The following MARCHF1 variants were observed in gnomAD, a reference collection of about 807,000 sequenced individuals.
MARCHF1 encodes membrane associated ring-CH-type finger 1.
A neutral mutation model predicts 54.2 loss-of-function variants in MARCHF1; 40 were observed. The observed-to-expected ratio is 0.74, with a 90% confidence interval of 0.57 to 0.96. The LOEUF is 0.96. MARCHF1 is among the 40% of genes least tolerant of loss of function. The pLI is 0.00. For missense variants in MARCHF1, 586 were observed against 656.5 expected, an observed-to-expected ratio of 0.89 and a Z score of 1.17; for synonymous variants, 236 against 236.3, an observed-to-expected ratio of 1.00 and a Z score of 0.01.
intron 2 of MARCHF1, among the ~76,000 whole-genome samples, chr4:164,045,828 G>A (rs1017459638): frequency 6.6e-6 from 1 of 151,804 alleles, no homozygotes; most frequent in Admixed American, 6.6e-5. Flanking sequence ...AGTTACATGA[G>A]GACAAGGATA....
intron 7 of MARCHF1, 25 bp from the exon 8 acceptor site, chr4:163,585,954 A>G: frequency 6.3e-7 from 1 of 1,575,356 alleles, no homozygotes; most frequent in Non-Finnish European, 8.6e-7. Context: ...AGCAGCCAGT[A>G]TGAGATCTCC....
At chr4:164,323,877 A>G (rs1735206323) in intron 1 of MARCHF1, among the ~76,000 whole-genome samples, 1 of 151,778 alleles carries the variant, frequency 6.6e-6, no homozygotes, top group Non-Finnish European at 1.5e-5. Flanking sequence ...AACCTGAATT[A>G]GGGGGATTCA....
chr4:164,274,562 C>A (rs1052122518), intron 1 of MARCHF1, among the ~76,000 whole-genome samples: 2 of 149,342 alleles, frequency 1.3e-5, no homozygotes, highest in Non-Finnish European at 3.0e-5. Context: ...TTTGTCAGTG[C>A]AAGTAAAGAG....
chr4:164,360,177 G>A (rs1014925469), intron 1 of MARCHF1, among the ~76,000 whole-genome samples: 1 of 151,810 alleles, frequency 6.6e-6, no homozygotes, highest in Non-Finnish European at 1.5e-5. Flanking sequence ...CTCCTACCAG[G>A]TTTGTCTGCA....
intron 1 of MARCHF1, among the ~76,000 whole-genome samples, chr4:164,248,143 T>C (rs1219708389): frequency 3.3e-5 from 5 of 151,992 alleles, no homozygotes; most frequent in Admixed American, 6.6e-5. Flanking sequence ...TACTCCTCCA[T>C]GTATCAAATT....
chr4:163,698,347 C>G (rs112422339), intron 5 of MARCHF1, among the ~76,000 whole-genome samples: 4,448 of 152,246 alleles, frequency 0.029, 104 homozygotes, highest in Non-Finnish European at 0.044. Flanking sequence ...GAATAGTTTT[C>G]CACTTATCAA....
chr4:164,241,091 A>G (rs927380729), intron 1 of MARCHF1, among the ~76,000 whole-genome samples: 19 of 152,076 alleles, frequency 1.2e-4, no homozygotes, highest in Non-Finnish European at 1.5e-5. Flanking sequence ...GCATTAAGGC[A>G]ACCATCTGAC....
intron 1 of MARCHF1, among the ~76,000 whole-genome samples, chr4:164,305,473 C>T (rs984660408): frequency 2.0e-5 from 3 of 152,008 alleles, no homozygotes; most frequent in Non-Finnish European, 1.5e-5. Flanking sequence ...GAAATCAGAA[C>T]ACCAGAGTCC....
At chr4:164,101,760 G>A (rs909833629) in intron 2 of MARCHF1, among the ~76,000 whole-genome samples, 1 of 147,696 alleles carries the variant, frequency 6.8e-6, no homozygotes, top group African/African-American at 2.5e-5. Flanking sequence ...AAAGCTGGAT[G>A]GAGAATGACT....
At chr4:164,287,792 T>C (rs1346026306) in intron 1 of MARCHF1, among the ~76,000 whole-genome samples, 1 of 152,244 alleles carries the variant, frequency 6.6e-6, no homozygotes, top group Non-Finnish European at 1.5e-5. Context: ...AATCGAATAG[T>C]TATTCTTTAG....
chr4:163,715,590 C>T (rs950525247), intron 4 of MARCHF1, among the ~76,000 whole-genome samples: 6 of 151,856 alleles, frequency 4.0e-5, no homozygotes, highest in African/African-American at 1.2e-4. Flanking sequence ...TTTCTACCAC[C>T]CAGATGCAAA....
chr4:163,619,583 C>G (rs1741614205), intron 5 of MARCHF1, among the ~76,000 whole-genome samples: 1 of 151,974 alleles, frequency 6.6e-6, no homozygotes, highest in South Asian at 2.1e-4. Context: ...TAGAATAGAA[C>G]TGAGAGGCTA....
At chr4:164,358,311 C>T (rs1243764939) in intron 1 of MARCHF1, among the ~76,000 whole-genome samples, 14 of 152,070 alleles carry the variant, frequency 9.2e-5, no homozygotes, top group Non-Finnish European at 2.1e-4. Context: ...TTGAACTTGC[C>T]AATGTCACTG....
chr4:164,140,759 T>C (rs1190315211), intron 1 of MARCHF1, among the ~76,000 whole-genome samples: 10 of 95,028 alleles, frequency 1.1e-4, no homozygotes, highest in African/African-American at 6.6e-4. Flanking sequence ...CACACACACA[T>C]ACATACATAC....
intron 1 of MARCHF1, among the ~76,000 whole-genome samples, chr4:164,201,421 C>T (rs1404855585): frequency 6.6e-6 from 1 of 152,142 alleles, no homozygotes; most frequent in Non-Finnish European, 1.5e-5. Flanking sequence ...AGGGTTTCAC[C>T]ATGTTGGCCA....
chr4:163,717,466 T>G (rs1199085232), intron 4 of MARCHF1, among the ~76,000 whole-genome samples: 1 of 152,066 alleles, frequency 6.6e-6, no homozygotes, highest in Non-Finnish European at 1.5e-5. Context: ...GATGTGTGTG[T>G]GTGTCTTTAT....
At chr4:164,368,124 C>A (rs574029341) in intron 1 of MARCHF1, among the ~76,000 whole-genome samples, 24 of 140,012 alleles carry the variant, frequency 1.7e-4, no homozygotes, top group African/African-American at 4.2e-4. Context: ...AAAAAAAAAA[C>A]CACAAAGAAA....
At chr4:163,940,246 T>C (rs1431796504) in intron 3 of MARCHF1, among the ~76,000 whole-genome samples, 1 of 152,134 alleles carries the variant, frequency 6.6e-6, no homozygotes, top group African/African-American at 2.4e-5. Flanking sequence ...TGATGTTCTA[T>C]TATATAATGG....
intron 1 of MARCHF1, among the ~76,000 whole-genome samples, chr4:164,278,725 A>G (rs1733947764): frequency 6.6e-6 from 1 of 152,204 alleles, no homozygotes; most frequent in South Asian, 2.1e-4. Context: ...ATTGTGACAT[A>G]TATGATAGGA....
Sources: gnomAD v4.1 joint callset for allele counts (sites outside exome capture counted in the v4.1 genomes callset) on GRCh38, gnomAD v4.1.1 for gene constraint, MANE v1.5 for transcripts, NCBI Gene and HGNC (gene_info 2026-07-23, HGNC 2026-07-21) for gene names.